NPAS3: variants seen among roughly 807,000 people sequenced by gnomAD.
NPAS3 encodes the protein neuronal PAS domain protein 3.
In NPAS3, 14 loss-of-function variants were observed where a neutral mutation model predicts 73.1. The ratio of observed to expected loss-of-function variants is 0.19; its 90% CI spans 0.13 to 0.30. The LOEUF is 0.30. Ranked by LOEUF, NPAS3 falls within the 10% of genes least tolerant of loss-of-function variation. The probability of loss-of-function intolerance (pLI) is 1.00; values close to 1 mark genes in which losing one functional copy is unlikely to be tolerated. For synonymous variants in NPAS3, 620 were observed against 541.5 expected (o/e 1.14, Z -2.01); for missense variants, 1,096 against 1,250.0 (o/e 0.88, Z 1.86).
chr14:33,222,422 C>G (rs2047465927), intron 3 of NPAS3, among the ~76,000 whole-genome samples: 1 of 152,180 alleles, frequency 6.6e-6, no homozygotes, highest in Non-Finnish European at 1.5e-5. Context: ...CATTCTGAGA[C>G]CCAACACCTT....
chr14:32,935,992 C>T (rs571336774), upstream of NPAS3, among the ~76,000 whole-genome samples: 6 of 152,346 alleles, frequency 3.9e-5, no homozygotes, highest in Admixed American at 1.3e-4. Flanking sequence ...CCAGATTGCA[C>T]ATGATTAAAC....
At chr14:33,684,207 C>T (rs915679360) in intron 6 of NPAS3, among the ~76,000 whole-genome samples, 3 of 140,012 alleles carry the variant, frequency 2.1e-5, no homozygotes, top group South Asian at 5.0e-4. Context: ...CTCTTATGCA[C>T]GTATTTCATT....
At chr14:33,130,127 C>T (rs2043579556) in intron 2 of NPAS3, among the ~76,000 whole-genome samples, 1 of 152,182 alleles carries the variant, frequency 6.6e-6, no homozygotes, top group Non-Finnish European at 1.5e-5. Context: ...ATCCATAATT[C>T]ATTTAATGCA....
chr14:33,784,751 T>TTATTTA (rs1555333518), intron 9 of NPAS3, among the ~76,000 whole-genome samples: 3 of 114,876 alleles, frequency 2.6e-5, no homozygotes, highest in African/African-American at 1.2e-4. Flanking sequence ...ATTTATTTTT[T>TTATTTA]TTTTTTTTTT....
At chr14:33,263,499 A>G (rs554662026) in intron 3 of NPAS3, among the ~76,000 whole-genome samples, 13 of 152,312 alleles carry the variant, frequency 8.5e-5, no homozygotes, top group Non-Finnish European at 1.6e-4. Flanking sequence ...TGGTACCAGT[A>G]CCACGCTGTT....
chr14:33,683,427 C>CAAAAAAAAAA (rs1176606241), intron 6 of NPAS3, among the ~76,000 whole-genome samples: 2 of 77,522 alleles, frequency 2.6e-5, no homozygotes, highest in African/African-American at 4.9e-5. Flanking sequence ...TTCCTCATTT[C>CAAAAAAAAAA]AAAAAAAAAA....
intron 3 of NPAS3, among the ~76,000 whole-genome samples, chr14:33,330,741 G>C (rs1419620641): frequency 6.6e-6 from 1 of 152,132 alleles, no homozygotes; most frequent in Admixed American, 6.5e-5. Flanking sequence ...ATTCACTTTG[G>C]AGGGTCAGGG....
chr14:33,107,627 T>G (rs1595462113), intron 2 of NPAS3, among the ~76,000 whole-genome samples: 1 of 152,184 alleles, frequency 6.6e-6, no homozygotes, highest in African/African-American at 2.4e-5. Context: ...ATGGTGTGTA[T>G]GTACCACATT....
At position 33,800,468 on chromosome 14, in the gene NPAS3, G is replaced by A. The variant is rs1422851497; in HGVS notation, c.2161G>A (p.Ala721Thr). 3 of 1,495,388 alleles carry A rather than the reference G, an allele frequency of 2.0e-6. No individual in the cohort carries two copies. Among genetic ancestry groups the A allele is most frequent in the Non-Finnish European group, 2.7e-6 (3 of 1,128,660 alleles). The allele number at this position is 1,495,388 out of a possible 1,614,324, so 92.6% of individuals were successfully genotyped here. A position where few individuals can be genotyped will look rare whatever the true frequency, so the allele number is the denominator to read the frequency against. ...CGACTCGGTCCTCACCCCGCCCGGCGCCGACGGCGCGGCCGCCCGCAAGAC... is the reference window on the plus strand; with the variant it reads ...CGACTCGGTCCTCACCCCGCCCGGCACCGACGGCGCGGCCGCCCGCAAGAC... Residue 721 changes from alanine to threonine, a missense_variant, in exon 12 of 12, where the codon GCC becomes ACC. Transcript: ENST00000356141. The surrounding 1 kb of genome is among the most constrained non-coding windows in gnomAD (Gnocchi z 6.5).
intron 2 of NPAS3, among the ~76,000 whole-genome samples, chr14:33,122,529 CTT>C (rs1490100014): frequency 6.6e-6 from 1 of 152,044 alleles, no homozygotes; most frequent in Non-Finnish European, 1.5e-5. Context: ...ACTAAAATGA[CTT>C]TGGGGTTTGG....
intron 5 of NPAS3, among the ~76,000 whole-genome samples, chr14:33,664,317 T>C (rs1211675576): frequency 1.3e-5 from 2 of 152,220 alleles, no homozygotes; most frequent in Non-Finnish European, 2.9e-5. Flanking sequence ...GCTAGCCATA[T>C]GCAGAAAACT....
intron 3 of NPAS3, among the ~76,000 whole-genome samples, chr14:33,324,655 C>G (rs185108094): frequency 2.8e-4 from 43 of 152,180 alleles, no homozygotes; most frequent in African/African-American, 9.9e-4. Flanking sequence ...ATTTCTGTTT[C>G]TTTACTTTTG....
chr14:33,736,787 G>C (rs1208935988), intron 7 of NPAS3, among the ~76,000 whole-genome samples: 1 of 152,124 alleles, frequency 6.6e-6, no homozygotes, highest in African/African-American at 2.4e-5. Flanking sequence ...CATCCCAGGA[G>C]GGAAGAAGGG....
At chr14:33,462,476 G>C (rs2050316943) in intron 4 of NPAS3, among the ~76,000 whole-genome samples, 1 of 152,164 alleles carries the variant, frequency 6.6e-6, no homozygotes, top group African/African-American at 2.4e-5. Flanking sequence ...AAGACCCTCT[G>C]AAGTTCTCAT....
At chr14:33,768,954 G>A (rs1310996439) in intron 7 of NPAS3, among the ~76,000 whole-genome samples, 2 of 152,198 alleles carry the variant, frequency 1.3e-5, no homozygotes, top group East Asian at 3.8e-4. Context: ...GGGATTGGTG[G>A]TGGTATGGCA....
At chr14:33,223,229 T>C (rs1296885748) in intron 3 of NPAS3, among the ~76,000 whole-genome samples, 1 of 152,168 alleles carries the variant, frequency 6.6e-6, no homozygotes, top group Admixed American at 6.5e-5. Flanking sequence ...GAGAATCGCT[T>C]GAACGTGGGA....
intron 9 of NPAS3, among the ~76,000 whole-genome samples, chr14:33,785,329 G>A (rs1188867971): frequency 6.6e-6 from 1 of 151,322 alleles, no homozygotes; most frequent in Non-Finnish European, 1.5e-5. Flanking sequence ...CAGCTACTCA[G>A]GAGGCTGAGA....
chr14:33,575,015 G>T (rs1028083239), intron 5 of NPAS3, among the ~76,000 whole-genome samples: 1 of 152,158 alleles, frequency 6.6e-6, no homozygotes, highest in Non-Finnish European at 1.5e-5. Context: ...CCAGGCAGGA[G>T]GAAAGCTCAA....
rs139988719 is a variant in NPAS3 at position 33,743,461 on chromosome 14, T to C, written c.852+8129T>C. Among the ~76,000 whole-genome samples the C allele has an allele frequency of 4.0e-3, 615 of 152,322 alleles. 3 individuals are homozygous for C. The highest frequency in any genetic ancestry group is 0.014 in the African/African-American group (591 of 41,580). On this transcript the variant is annotated intron_variant, in intron 7 of 11. Coordinates refer to ENST00000356141, the Ensembl canonical transcript of NPAS3. ...AAATATTCAGTAAACCATGATAATA[T>C]ACAGATGTGCTGTCATCCAGGCTTT... is the stretch of plus-strand genomic sequence containing the variant.
Sources: gnomAD v4.1 joint callset for allele counts (sites outside exome capture counted in the v4.1 genomes callset) on GRCh38, gnomAD v4.1.1 for gene constraint, Gnocchi (gnomAD v3.1) non-coding constraint, MANE v1.5 for transcripts, NCBI Gene and HGNC (gene_info 2026-07-23, HGNC 2026-07-21) for gene names.